PPP3CA: variants seen among roughly 807,000 people sequenced by gnomAD.
PPP3CA encodes the protein protein phosphatase 3 catalytic subunit alpha.
PPP3CA carries 14 observed loss-of-function variants against 66.5 expected under a neutral mutation model. That is an observed-to-expected ratio of 0.21 (90% confidence interval 0.14 to 0.33). PPP3CA has a LOEUF of 0.33. Ranked by LOEUF, PPP3CA falls within the 10% of genes least tolerant of loss-of-function variation. The pLI is 1.00. For missense variants in PPP3CA, 317 were observed against 639.5 expected, an observed-to-expected ratio of 0.50 and a Z score of 5.44; for synonymous variants, 232 against 226.2, an observed-to-expected ratio of 1.03 and a Z score of -0.23.
chr4:101,044,118 G>A (rs1407641965), intron 10 of PPP3CA, among the ~76,000 whole-genome samples: 1 of 152,072 alleles, frequency 6.6e-6, no homozygotes, highest in Non-Finnish European at 1.5e-5. Flanking sequence ...AATAAAATAT[G>A]TGGATTGATG....
chr4:101,118,447 G>A (rs1266491956), intron 2 of PPP3CA, among the ~76,000 whole-genome samples: 1 of 151,948 alleles, frequency 6.6e-6, no homozygotes, highest in Non-Finnish European at 1.5e-5. Context: ...TACTTTAATA[G>A]CAGCACATAC....
intron 6 of PPP3CA, among the ~76,000 whole-genome samples, chr4:101,091,148 A>C (rs910346594): frequency 2.0e-5 from 3 of 152,098 alleles, no homozygotes; most frequent in African/African-American, 7.2e-5. Context: ...ATCAAAATCA[A>C]GAGTTTGAAT....
chr4:101,108,074 C>T (rs1424511025), intron 3 of PPP3CA: 1 of 152,092 alleles, frequency 6.6e-6, no homozygotes, highest in Non-Finnish European at 1.5e-5. Flanking sequence ...TTTTACTTAC[C>T]TAAAGCAGAT....
At chr4:101,232,637 A>C (rs1356473782) in intron 1 of PPP3CA, among the ~76,000 whole-genome samples, 1 of 151,726 alleles carries the variant, frequency 6.6e-6, no homozygotes, top group Non-Finnish European at 1.5e-5. Context: ...GTTTAATTTT[A>C]CATGCTTTCT....
chr4:101,098,315 T>A (rs1274827786), intron 5 of PPP3CA, 52 bp downstream of exon 5: 1 of 1,506,948 alleles, frequency 6.6e-7, no homozygotes, highest in Non-Finnish European at 8.9e-7. Flanking sequence ...ATGTCTTCTA[T>A]TTATTACTGT....
chr4:101,293,186 A>G (rs925548227), intron 1 of PPP3CA, among the ~76,000 whole-genome samples: 1 of 152,202 alleles, frequency 6.6e-6, no homozygotes, highest in Non-Finnish European at 1.5e-5. Context: ...GGAAAGCAGC[A>G]TGGAAAACAT....
At chr4:101,041,933 C>CGGT (rs57736799) in intron 10 of PPP3CA, among the ~76,000 whole-genome samples, 18,818 of 151,938 alleles carry the variant, frequency 0.12, 1,902 homozygotes, top group African/African-American at 0.28. Context: ...TGCTCAGGGA[C>CGGT]GGTAGTCTAT....
chr4:101,185,456 T>C (rs188420117), intron 2 of PPP3CA, among the ~76,000 whole-genome samples: 71 of 152,308 alleles, frequency 4.7e-4, no homozygotes, highest in African/African-American at 1.5e-3. Context: ...GCTAAACTTT[T>C]GAAACATGGT....
chr4:101,187,535 A>T, intron 2 of PPP3CA, among the ~76,000 whole-genome samples: 1 of 152,172 alleles, frequency 6.6e-6, no homozygotes, highest in East Asian at 1.9e-4. Context: ...TTTAATAAAT[A>T]TTACCAGCTT....
chr4:101,086,627 G>A (rs1166406766), intron 6 of PPP3CA, among the ~76,000 whole-genome samples: 1 of 151,910 alleles, frequency 6.6e-6, no homozygotes, highest in East Asian at 1.9e-4. Context: ...CTTCTGCCAA[G>A]TCTTCACAAG....
chr4:101,033,883 C>T (rs1487035753), intron 11 of PPP3CA, among the ~76,000 whole-genome samples: 1 of 152,200 alleles, frequency 6.6e-6, no homozygotes, highest in Non-Finnish European at 1.5e-5. Flanking sequence ...ATACAGCCTT[C>T]TGTGACTTCC....
chr4:101,273,912 C>A (rs1727410586), intron 1 of PPP3CA, among the ~76,000 whole-genome samples: 1 of 151,606 alleles, frequency 6.6e-6, no homozygotes. Context: ...TTATATTTAA[C>A]TTAAATTTTA....
intron 1 of PPP3CA, among the ~76,000 whole-genome samples, chr4:101,306,858 C>T (rs1578650719): frequency 1.3e-5 from 2 of 151,950 alleles, no homozygotes; most frequent in African/African-American, 4.8e-5. Context: ...TGTGGTAGCT[C>T]CTTTAGTTAA....
intron 11 of PPP3CA, among the ~76,000 whole-genome samples, chr4:101,035,982 A>C (rs1236662598): frequency 6.6e-6 from 1 of 152,164 alleles, no homozygotes; most frequent in South Asian, 2.1e-4. Flanking sequence ...CGTGCTTTCT[A>C]ATATGTAGGC....
intron 1 of PPP3CA, among the ~76,000 whole-genome samples, chr4:101,330,075 A>C (rs184850663): frequency 6.6e-6 from 1 of 152,248 alleles, no homozygotes; most frequent in Admixed American, 6.5e-5. Context: ...GTACATTGAA[A>C]ACCTTCTGGA....
chr4:101,120,426 T>C (rs1385711475), intron 2 of PPP3CA, among the ~76,000 whole-genome samples: 1 of 152,022 alleles, frequency 6.6e-6, no homozygotes, highest in Non-Finnish European at 1.5e-5. Flanking sequence ...TCCCTCTCTG[T>C]ACTGGAAACT....
intron 3 of PPP3CA, among the ~76,000 whole-genome samples, chr4:101,105,158 C>CT (rs1730605026): frequency 6.7e-6 from 1 of 149,076 alleles, no homozygotes; most frequent in South Asian, 2.1e-4. Flanking sequence ...GTCTTTTTTT[C>CT]TTTTTTTTCC....
chr4:101,231,853 A>T (rs1432817585), intron 1 of PPP3CA, among the ~76,000 whole-genome samples: 1 of 151,712 alleles, frequency 6.6e-6, no homozygotes, highest in Non-Finnish European at 1.5e-5. Flanking sequence ...AAAAATTCCT[A>T]TTAAAACACA....
At chr4:101,253,393 A>C (rs1376467800) in intron 1 of PPP3CA, among the ~76,000 whole-genome samples, 2 of 152,172 alleles carry the variant, frequency 1.3e-5, no homozygotes, top group African/African-American at 4.8e-5. Flanking sequence ...AAGATTAAAG[A>C]AAGACAATGA....
Sources: gnomAD v4.1 joint callset for allele counts (sites outside exome capture counted in the v4.1 genomes callset) on GRCh38, gnomAD v4.1.1 for gene constraint, MANE v1.5 for transcripts, NCBI Gene and HGNC (gene_info 2026-07-23, HGNC 2026-07-21) for gene names.